The following SQOR variants were observed in gnomAD, a reference collection of about 807,000 sequenced individuals.
SQOR encodes the protein sulfide quinone oxidoreductase.
Under a neutral mutation model 48.6 loss-of-function variants are expected in SQOR, and 39 were observed. The ratio of observed to expected loss-of-function variants is 0.80; its 90% confidence interval spans 0.62 to 1.05. The LOEUF (loss-of-function observed/expected upper bound fraction) is 1.05. SQOR is among the 50% of genes least tolerant of loss of function. The pLI, the probability that SQOR is intolerant of heterozygous loss-of-function variation, is 0.00. For synonymous variants in SQOR, 220 were observed against 206.2 expected (o/e 1.07, Z -0.57); for missense variants, 561 against 559.9 (o/e 1.00, Z -0.02).
intron 1 of SQOR, among the ~76,000 whole-genome samples, chr15:45,655,706 C>T (rs1340516580): frequency 2.1e-5 from 3 of 141,632 alleles, no homozygotes; most frequent in Non-Finnish European, 4.5e-5. Context: ...CTTTTTGAGA[C>T]AGAGTCTCAC....
chr15:45,657,116 G>A (rs1044861426), intron 1 of SQOR, among the ~76,000 whole-genome samples: 1 of 151,992 alleles, frequency 6.6e-6, no homozygotes, highest in African/African-American at 2.4e-5. Flanking sequence ...TCTATATATT[G>A]TTTATGAACA....
intron 1 of SQOR, among the ~76,000 whole-genome samples, chr15:45,648,495 C>T (rs1454149746): frequency 6.6e-6 from 1 of 152,182 alleles, no homozygotes; most frequent in East Asian, 1.9e-4. Flanking sequence ...TATTTTCCTA[C>T]CAAATCCTGT....
intron 1 of SQOR, among the ~76,000 whole-genome samples, chr15:45,639,950 T>G (rs1037780814): frequency 7.2e-5 from 11 of 152,212 alleles, no homozygotes; most frequent in African/African-American, 2.7e-4. Context: ...CTCAAAATGG[T>G]AAATGACTAT....
chr15:45,666,739 T>G, intron 3 of SQOR, among the ~76,000 whole-genome samples: 1 of 57,498 alleles, frequency 1.7e-5, no homozygotes, highest in African/African-American at 6.6e-5. Context: ...CCCCTCCCCT[T>G]CCCTCCTCTC....
intron 3 of SQOR, among the ~76,000 whole-genome samples, chr15:45,665,484 A>C (rs916120779): frequency 6.6e-6 from 1 of 152,028 alleles, no homozygotes; most frequent in African/African-American, 2.4e-5. Flanking sequence ...CAAAGTTTTA[A>C]CTCTGTAACA....
At chr15:45,656,452 G>A in intron 1 of SQOR, among the ~76,000 whole-genome samples, 1 of 142,050 alleles carries the variant, frequency 7.0e-6, no homozygotes, top group Admixed American at 7.5e-5. Flanking sequence ...ACCATGCCTG[G>A]CTAATTTTTT....
In SQOR at chr15:45,673,742, G is replaced by A; in HGVS notation, c.595G>A (p.Val199Met). 1 of 1,614,190 alleles carries A rather than the reference G, an allele frequency of 6.2e-7. No homozygotes were observed. Among genetic ancestry groups the A allele is most frequent in the Non-Finnish European group, 8.5e-7 (1 of 1,180,030 alleles). ...CATCTTCACCTTCCCAAATACTCCAGTGAAGTGTGCTGGAGCCCCTCAGAA... is the reference window on the plus strand; with the variant it reads ...CATCTTCACCTTCCCAAATACTCCAATGAAGTGTGCTGGAGCCCCTCAGAA... ...NAIFTFPNTP[V>M]KCAGAPQKIM... The change falls in exon 5 of 10, where the codon GTG (valine) becomes ATG (methionine). Residue 199 changes from valine to methionine, a missense_variant. Transcript: ENST00000260324.
At position 45,659,048 on chromosome 15, in the gene SQOR, A is replaced by G. The variant is rs1230190935; in HGVS notation, c.125A>G (p.Asn42Ser). The G allele has an allele frequency of 1.2e-6, 2 of 1,600,082 alleles. No homozygotes were observed. The highest frequency in any genetic ancestry group is 2.3e-5 in the East Asian group (1 of 44,414). The change falls in exon 2 of 10, where the codon AAC (asparagine) becomes AGC (serine). Residue 42 changes from asparagine to serine, a missense_variant. Asn to Ser is a conservative substitution (Grantham distance 46, BLOSUM62 1). Coordinates refer to ENST00000260324, the MANE Select transcript of SQOR (RefSeq NM_021199.4). ...LHTGASHAAR[N>S]HYEVLVLGGG... ...ACCGGGGCCAGCCATGCGGCCAGGAACCATTATGAGGTGCTGGTGCTGGGT... is the reference window on the plus strand; with the variant it reads ...ACCGGGGCCAGCCATGCGGCCAGGAGCCATTATGAGGTGCTGGTGCTGGGT...
chr15:45,690,707 GT>G, intron 9 of SQOR, among the ~76,000 whole-genome samples: 1 of 152,338 alleles, frequency 6.6e-6, no homozygotes. Flanking sequence ...AAGAGTAGCA[GT>G]TTGCATGTAG....
chr15:45,676,930 A>G (rs992051411), intron 6 of SQOR, among the ~76,000 whole-genome samples: 10 of 151,712 alleles, frequency 6.6e-5, no homozygotes, highest in Admixed American at 5.9e-4. Flanking sequence ...AATCCCAGCT[A>G]CCCGGGAGGC....
At chr15:45,668,705 G>A (rs1429277118) in intron 3 of SQOR, among the ~76,000 whole-genome samples, 2 of 152,148 alleles carry the variant, frequency 1.3e-5, no homozygotes, top group African/African-American at 4.8e-5. Context: ...GATTCGCTCG[G>A]GTTGCTTGCT....
chr15:45,648,797 A>G (rs1435966557), intron 1 of SQOR, among the ~76,000 whole-genome samples: 1 of 152,246 alleles, frequency 6.6e-6, no homozygotes. Context: ...AGTAGGCAAC[A>G]AGAGCTGGAC....
At chr15:45,682,355 C>T (rs1156446608) in intron 6 of SQOR, 123 bp from the exon 7 acceptor site, 8 of 985,946 alleles carry the variant, frequency 8.1e-6, no homozygotes, top group Non-Finnish European at 1.2e-5. Context: ...GGTACAAGTG[C>T]TGATTGTATA....
At chr15:45,688,574 C>T (rs921258018) in intron 8 of SQOR, among the ~76,000 whole-genome samples, 170 bp downstream of exon 8, 4 of 151,312 alleles carry the variant, frequency 2.6e-5, no homozygotes, top group South Asian at 4.2e-4. Flanking sequence ...TGCAATGGCA[C>T]GATCTCAGCT....
In SQOR at chr15:45,659,059, G is replaced by T; in HGVS notation, c.136G>T (p.Val46Leu). ...CCATGCGGCCAGGAACCATTATGAG[G>T]TGCTGGTGCTGGGTGGGGGCAGTGG... ...ASHAARNHYE[V>L]LVLGGGSGGI... The change falls in exon 2 of 10, where the codon GTG becomes TTG. Residue 46 changes from valine (V) to leucine (L), a missense_variant. Coordinates refer to ENST00000260324, the MANE Select transcript of SQOR (RefSeq NM_021199.4). 1 of 1,597,258 alleles carries T rather than the reference G, an allele frequency of 6.3e-7. No individual in the cohort carries two copies. The highest frequency in any genetic ancestry group is 8.5e-7 in the Non-Finnish European group (1 of 1,172,490).
intron 1 of SQOR, among the ~76,000 whole-genome samples, chr15:45,652,591 G>A (rs1020977284): frequency 4.4e-5 from 6 of 134,942 alleles, no homozygotes; most frequent in Non-Finnish European, 9.2e-5. Context: ...TAAGTGACCC[G>A]CCCACCTCAG....
chr15:45,649,467 A>T (rs1889419033), intron 1 of SQOR, among the ~76,000 whole-genome samples: 1 of 152,170 alleles, frequency 6.6e-6, no homozygotes, highest in South Asian at 2.1e-4. Context: ...TACCTTATTT[A>T]TTGATGTTTT....
chr15:45,662,319 T>C (rs1327367881), intron 3 of SQOR, among the ~76,000 whole-genome samples, 194 bp downstream of exon 3: 5 of 152,222 alleles, frequency 3.3e-5, no homozygotes, highest in South Asian at 2.1e-4. Context: ...CTGAGTGATA[T>C]TGAGTTAATA....
chr15:45,661,314 A>G (rs905307598), intron 2 of SQOR, among the ~76,000 whole-genome samples: 1 of 148,486 alleles, frequency 6.7e-6, no homozygotes, highest in African/African-American at 2.5e-5. Flanking sequence ...AAAAAAAAAA[A>G]GGACCATCTG....
Sources: gnomAD v4.1 joint callset for allele counts (sites outside exome capture counted in the v4.1 genomes callset) on GRCh38, gnomAD v4.1.1 for gene constraint, MANE v1.5 for transcripts, NCBI Gene and HGNC (gene_info 2026-07-23, HGNC 2026-07-21) for gene names.